LRMDA: variants seen among roughly 807,000 people sequenced by gnomAD.
The protein encoded by LRMDA is leucine-rich melanocyte differentiation-associated protein.
A neutral mutation model predicts 29.8 loss-of-function variants in LRMDA; 18 were observed. The observed-to-expected ratio is 0.60, with a 90% CI of 0.42 to 0.90. LRMDA has a LOEUF of 0.90. Ranked by LOEUF, LRMDA falls within the 40% of genes least tolerant of loss-of-function variation. LRMDA has a pLI of 0.00. For missense variants in LRMDA, 273 were observed against 273.9 expected, an observed-to-expected ratio of 1.00 and a Z score of 0.02; for synonymous variants, 125 against 109.4, an observed-to-expected ratio of 1.14 and a Z score of -0.89.
chr10:76,008,726 A>G (rs1847720675), intron 2 of LRMDA, among the ~76,000 whole-genome samples: 1 of 152,182 alleles, frequency 6.6e-6, no homozygotes, highest in African/African-American at 2.4e-5. Flanking sequence ...GATGGAAGCA[A>G]TGTTTGATGG....
At chr10:75,906,279 A>C (rs1845756937) in intron 2 of LRMDA, among the ~76,000 whole-genome samples, 1 of 152,150 alleles carries the variant, frequency 6.6e-6, no homozygotes, top group Non-Finnish European at 1.5e-5. Flanking sequence ...CTTTTCCAGA[A>C]CTAGAAAAAT....
At chr10:75,678,291 T>TTA (rs1380802100) in intron 2 of LRMDA, among the ~76,000 whole-genome samples, 2 of 152,194 alleles carry the variant, frequency 1.3e-5, no homozygotes, top group African/African-American at 4.8e-5. Context: ...AGTCACCTAC[T>TTA]TATATAGTAT....
At chr10:76,225,720 A>ATTTATTTATTTATTTATTTAT (rs1159719369) in intron 5 of LRMDA, among the ~76,000 whole-genome samples, 4 of 143,190 alleles carry the variant, frequency 2.8e-5, no homozygotes, top group African/African-American at 1.1e-4. Context: ...TTATTTATTT[A>ATTTATTTATTTATTTATTTAT]TTATTATATA....
At chr10:75,612,647 T>A (rs994594580) in intron 2 of LRMDA, among the ~76,000 whole-genome samples, 1 of 147,946 alleles carries the variant, frequency 6.8e-6, no homozygotes, top group African/African-American at 2.4e-5. Flanking sequence ...TATATTTATA[T>A]ATTTGTATAT....
At chr10:75,610,098 C>T (rs558246990) in intron 2 of LRMDA, among the ~76,000 whole-genome samples, 1 of 152,268 alleles carries the variant, frequency 6.6e-6, no homozygotes, top group South Asian at 2.1e-4. Flanking sequence ...ACAGCTTTAT[C>T]ACTTAAAAAA....
rs573307524 is a variant in LRMDA at position 75,717,631 on chromosome 10, T to A, written c.131+279137T>A. Among the ~76,000 whole-genome samples the A allele has an allele frequency of 5.3e-5, 8 of 152,298 alleles. No individual in the cohort carries two copies. The East Asian group carries it at 1.5e-3, about 29-fold the overall frequency. On this transcript the variant is annotated intron_variant, in intron 2 of 6. Transcript: ENST00000611255. ...GTGATGAGTGGCTGTAGATGCTCCA[T>A]GTGGTTAACCTCACCAGATGACTTC... is the stretch of plus-strand genomic sequence containing the variant.
chr10:75,731,524 A>G (rs1470824244), intron 2 of LRMDA, among the ~76,000 whole-genome samples: 4 of 152,202 alleles, frequency 2.6e-5, no homozygotes, highest in Non-Finnish European at 5.9e-5. Context: ...TGTTCAATAA[A>G]TGTTTGTTGA....
At chr10:75,562,031 T>C (rs1589185118) in intron 2 of LRMDA, among the ~76,000 whole-genome samples, 1 of 152,094 alleles carries the variant, frequency 6.6e-6, no homozygotes, top group Non-Finnish European at 1.5e-5. Flanking sequence ...GAGAGTTCTG[T>C]AGATGTCTAT....
At chr10:75,865,700 T>C (rs1161846632) in intron 2 of LRMDA, among the ~76,000 whole-genome samples, 4 of 152,234 alleles carry the variant, frequency 2.6e-5, no homozygotes, top group Non-Finnish European at 5.9e-5. Flanking sequence ...TTACTCATTC[T>C]AAAAATGTTC....
At chr10:76,239,360 A>T (rs1300342702) in intron 5 of LRMDA, among the ~76,000 whole-genome samples, 3 of 152,152 alleles carry the variant, frequency 2.0e-5, no homozygotes, top group Admixed American at 2.0e-4. Flanking sequence ...TATCACAACT[A>T]AAAAAAGAAT....
At chr10:76,132,649 C>T (rs1407831237) in intron 5 of LRMDA, among the ~76,000 whole-genome samples, 2 of 152,052 alleles carry the variant, frequency 1.3e-5, no homozygotes, top group Admixed American at 1.3e-4. Flanking sequence ...TTTGTGGGAG[C>T]GTGTATGTTT....
At chr10:76,316,566 A>G (rs1440546218) in intron 5 of LRMDA, among the ~76,000 whole-genome samples, 1 of 152,256 alleles carries the variant, frequency 6.6e-6, no homozygotes, top group Non-Finnish European at 1.5e-5. Context: ...CACGGGCCAC[A>G]GACATTTCTG....
intron 4 of LRMDA, among the ~76,000 whole-genome samples, chr10:76,054,616 C>T (rs1414833765): frequency 2.6e-5 from 4 of 151,704 alleles, no homozygotes; most frequent in Non-Finnish European, 5.9e-5. Flanking sequence ...TTCATCTTTT[C>T]CCACCCTACA....
intron 6 of LRMDA, among the ~76,000 whole-genome samples, chr10:76,388,137 A>G (rs566830882): frequency 1.6e-4 from 25 of 152,346 alleles, no homozygotes; most frequent in African/African-American, 5.8e-4. Flanking sequence ...GTAGATATCT[A>G]TGTTCTAAGT....
chr10:75,814,358 G>T (rs567584425), intron 2 of LRMDA, among the ~76,000 whole-genome samples: 1 of 152,266 alleles, frequency 6.6e-6, no homozygotes, highest in African/African-American at 2.4e-5. Context: ...TCCCTGGGTG[G>T]TACTTATGCT....
At chr10:76,263,068 C>A (rs1046588556) in intron 5 of LRMDA, among the ~76,000 whole-genome samples, 4 of 152,094 alleles carry the variant, frequency 2.6e-5, no homozygotes, top group African/African-American at 9.7e-5. Flanking sequence ...TTTATAATCT[C>A]ATTTTCAAAT....
chr10:76,399,604 G>C (rs1841826434), intron 6 of LRMDA, among the ~76,000 whole-genome samples: 1 of 152,160 alleles, frequency 6.6e-6, no homozygotes, highest in African/African-American at 2.4e-5. Context: ...TGGTCACCTT[G>C]AATAGTATTC....
At chr10:75,772,030 A>G (rs1202418521) in intron 2 of LRMDA, among the ~76,000 whole-genome samples, 3 of 152,222 alleles carry the variant, frequency 2.0e-5, no homozygotes, top group Non-Finnish European at 4.4e-5. Context: ...TTGGAATTTA[A>G]TCTTGCAAGC....
At chr10:76,040,671 T>A (rs1848325299) in intron 3 of LRMDA, among the ~76,000 whole-genome samples, 1 of 152,174 alleles carries the variant, frequency 6.6e-6, no homozygotes, top group Non-Finnish European at 1.5e-5. Flanking sequence ...CTCAGCCATA[T>A]CATGTCTGAA....
Sources: gnomAD v4.1 joint callset for allele counts (sites outside exome capture counted in the v4.1 genomes callset) on GRCh38, gnomAD v4.1.1 for gene constraint, MANE v1.5 for transcripts, NCBI Gene and HGNC (gene_info 2026-07-23, HGNC 2026-07-21) for gene names.